Variants in GRID2 observed in about 807,000 individuals in gnomAD.
GRID2 encodes glutamate receptor ionotropic, delta-2.
Under a neutral mutation model 114.8 loss-of-function variants are expected in GRID2, and 33 were observed. That is an observed-to-expected ratio of 0.29 (90% CI 0.22 to 0.38). The LOEUF (loss-of-function observed/expected upper bound fraction) is 0.38, where lower values mean the gene tolerates loss of function less well. GRID2 is among the 10% of genes least tolerant of loss of function. The probability of loss-of-function intolerance (pLI) is 1.00; values close to 1 mark genes in which losing one functional copy is unlikely to be tolerated. For missense variants in GRID2, 1,184 were observed against 1,257.7 expected (o/e 0.94, Z 0.89); for synonymous variants, 505 against 449.9 (o/e 1.12, Z -1.55).
chr4:92,310,568 A>G lies in GRID2; in HGVS notation c.88+5824A>G, dbSNP rs553472298. Among the ~76,000 whole-genome samples, 54 of 152,182 alleles carry G rather than the reference A, an allele frequency of 3.5e-4. 1 individual carries two copies. In the South Asian group the frequency reaches 0.01, roughly 29 times the overall value. ...ATATTGATGTGGACACACATTTCAG[A>G]GAATTTGACAAACATATGGGCAATG... On this transcript the variant is annotated intron_variant, in intron 1 of 15. Coordinates refer to ENST00000282020, the MANE Select transcript of GRID2 (RefSeq NM_001510.4).
intron 13 of GRID2, among the ~76,000 whole-genome samples, chr4:93,593,627 C>T (rs1351520391): frequency 6.6e-6 from 1 of 151,314 alleles, no homozygotes; most frequent in East Asian, 2.0e-4. Flanking sequence ...GGAAATTCTC[C>T]AGGATAATAT....
At chr4:92,859,863 C>T (rs1185762119) in intron 2 of GRID2, among the ~76,000 whole-genome samples, 1 of 152,080 alleles carries the variant, frequency 6.6e-6, no homozygotes, top group Admixed American at 6.6e-5. Context: ...TCATTGTGGG[C>T]ATTTGTTCTG....
At chr4:92,840,093 A>G (rs1742771332) in intron 2 of GRID2, among the ~76,000 whole-genome samples, 2 of 151,964 alleles carry the variant, frequency 1.3e-5, no homozygotes, top group African/African-American at 4.8e-5. Flanking sequence ...GTCTCTTCTT[A>G]TAGGTTTTGT....
intron 8 of GRID2, among the ~76,000 whole-genome samples, chr4:93,241,609 G>T (rs182241976): frequency 2.2e-4 from 33 of 151,840 alleles, no homozygotes; most frequent in Non-Finnish European, 3.5e-4. Flanking sequence ...TATGACTGAG[G>T]TTGCCTAAAG....
At chr4:93,159,693 A>ATTTTTTTTTTTTTT (rs34480915) in intron 4 of GRID2, among the ~76,000 whole-genome samples, 2 of 131,092 alleles carry the variant, frequency 1.5e-5, no homozygotes, top group African/African-American at 2.8e-5. Context: ...TTCCATCTGC[A>ATTTTTTTTTTTTTT]TTTTTTTTTT....
chr4:93,370,427 A>G (rs578101876), intron 8 of GRID2, among the ~76,000 whole-genome samples: 39 of 148,930 alleles, frequency 2.6e-4, no homozygotes, highest in Non-Finnish European at 4.3e-4. Context: ...ACACACAAAC[A>G]CGCACACACA....
At chr4:92,494,758 T>G (rs1298994603) in intron 1 of GRID2, among the ~76,000 whole-genome samples, 1 of 152,066 alleles carries the variant, frequency 6.6e-6, no homozygotes, top group Non-Finnish European at 1.5e-5. Context: ...GTATCAGTAA[T>G]ATTTCTAATT....
intron 2 of GRID2, among the ~76,000 whole-genome samples, chr4:92,640,980 T>C (rs1731313466): frequency 6.6e-6 from 1 of 151,596 alleles, no homozygotes; most frequent in Admixed American, 6.6e-5. Context: ...GTGCATCTAG[T>C]AATAGGAAGA....
chr4:92,695,036 G>A (rs867718690), intron 2 of GRID2, among the ~76,000 whole-genome samples: 6 of 151,872 alleles, frequency 4.0e-5, no homozygotes, highest in East Asian at 1.9e-4. Context: ...GTGCAATCTC[G>A]GCTCACTGCA....
intron 2 of GRID2, among the ~76,000 whole-genome samples, chr4:92,768,529 A>T (rs1738377741): frequency 6.6e-6 from 1 of 152,198 alleles, no homozygotes; most frequent in Non-Finnish European, 1.5e-5. Flanking sequence ...TAGTTATAGC[A>T]GTGGGCATTA....
intron 8 of GRID2, among the ~76,000 whole-genome samples, chr4:93,298,709 T>C (rs968986167): frequency 6.6e-6 from 1 of 152,256 alleles, no homozygotes; most frequent in African/African-American, 2.4e-5. Flanking sequence ...CTCCCCTTAC[T>C]GTTCCTCCTC....
At chr4:93,496,411 A>G (rs1451477435) in intron 12 of GRID2, among the ~76,000 whole-genome samples, 1 of 150,292 alleles carries the variant, frequency 6.7e-6, no homozygotes, top group Non-Finnish European at 1.5e-5. Flanking sequence ...CAATGTGTGC[A>G]AATTGCTCTA....
rs111673743 is a variant in GRID2, at chr4:93,755,028, G to A, written c.2361-14182G>A. 6.9e-3 allele frequency among the ~76,000 whole-genome samples: 1,050 copies of A among 152,276 alleles called. 14 individuals are homozygous for A. The highest frequency in any genetic ancestry group is 0.024 in the African/African-American group (1,003 of 41,536). ...CATCAAGTAAGTAAACGTTGTGCAT[G>A]TAGCTCTTGCCATTATCATGGAAAA... On this transcript the variant is annotated intron_variant, in intron 14 of 15. Coordinates refer to ENST00000282020, the MANE Select transcript of GRID2 (RefSeq NM_001510.4).
intron 2 of GRID2, among the ~76,000 whole-genome samples, chr4:92,649,615 A>G (rs1731825227): frequency 6.6e-6 from 1 of 151,972 alleles, no homozygotes; most frequent in Non-Finnish European, 1.5e-5. Flanking sequence ...AAAATTAACC[A>G]TCACAAGTCC....
chr4:92,875,774 G>T (rs906083152), intron 2 of GRID2, among the ~76,000 whole-genome samples: 3 of 152,080 alleles, frequency 2.0e-5, no homozygotes, highest in Non-Finnish European at 4.4e-5. Context: ...TTTTAGGATA[G>T]TTAATTAAAT....
At chr4:92,623,139 T>C (rs939988000) in intron 2 of GRID2, among the ~76,000 whole-genome samples, 2 of 151,626 alleles carry the variant, frequency 1.3e-5, no homozygotes, top group Non-Finnish European at 3.0e-5. Flanking sequence ...ATTATAAAAA[T>C]ATTTTAAAAT....
At chr4:92,722,808 C>T (rs1222471537) in intron 2 of GRID2, among the ~76,000 whole-genome samples, 1 of 151,988 alleles carries the variant, frequency 6.6e-6, no homozygotes, top group Admixed American at 6.6e-5. Context: ...CCCTAGCTTC[C>T]AGATCCAATA....
intron 2 of GRID2, among the ~76,000 whole-genome samples, chr4:93,020,376 A>G (rs1361046600): frequency 6.6e-6 from 1 of 152,178 alleles, no homozygotes; most frequent in African/African-American, 2.4e-5. Context: ...CTATGAAAAA[A>G]TGCAAAGAAA....
intron 2 of GRID2, among the ~76,000 whole-genome samples, chr4:93,050,552 GT>G (rs1726608715): frequency 6.9e-6 from 1 of 145,154 alleles, no homozygotes; most frequent in Non-Finnish European, 1.5e-5. Flanking sequence ...GTGTGTGTGT[GT>G]GGTGTATGTG....
Sources: gnomAD v4.1 joint callset for allele counts (sites outside exome capture counted in the v4.1 genomes callset) on GRCh38, gnomAD v4.1.1 for gene constraint, MANE v1.5 for transcripts, NCBI Gene and HGNC (gene_info 2026-07-23, HGNC 2026-07-21) for gene names.